Variants in LRP1B observed in about 807,000 individuals in gnomAD.
LRP1B encodes the protein low-density lipoprotein receptor-related protein 1B.
LRP1B carries 217 observed loss-of-function variants against 556.6 expected under a neutral mutation model. The observed-to-expected ratio is 0.39, with a 90% CI of 0.35 to 0.44. The LOEUF is 0.44. Among genes scored for constraint, LRP1B ranks in the 20% least tolerant of loss-of-function variants. The pLI is 1.00. For synonymous variants in LRP1B, 2,047 were observed against 1,865.8 expected, an observed-to-expected ratio of 1.10 and a Z score of -2.50; for missense variants, 5,053 against 5,620.8, an observed-to-expected ratio of 0.90 and a Z score of 3.23.
chr2:140,479,651 T>TC (rs1218369382), intron 59 of LRP1B, among the ~76,000 whole-genome samples: 8 of 152,178 alleles, frequency 5.3e-5, no homozygotes, highest in Non-Finnish European at 1.0e-4. Context: ...ATTTTTTCCT[T>TC]CCACCTGCAA....
chr2:141,157,147 G>A (rs1047114084), intron 7 of LRP1B, among the ~76,000 whole-genome samples: 12 of 152,056 alleles, frequency 7.9e-5, no homozygotes, highest in African/African-American at 2.9e-4. Context: ...GATATAAAAA[G>A]TATGTGTAAC....
intron 2 of LRP1B, among the ~76,000 whole-genome samples, chr2:141,666,711 C>T (rs528690398): frequency 2.8e-4 from 42 of 152,312 alleles, no homozygotes; most frequent in Non-Finnish European, 5.1e-4. Flanking sequence ...GGAGAGAGCT[C>T]TACTGCCCCT....
At chr2:141,344,492 TG>T (rs1468411250) in intron 3 of LRP1B, among the ~76,000 whole-genome samples, 2 of 152,202 alleles carry the variant, frequency 1.3e-5, no homozygotes, top group Non-Finnish European at 2.9e-5. Context: ...ATCACCTGGT[TG>T]GCTCTTCAAA....
Position 140,274,446 on chromosome 2 carries a change from C to T in LRP1B, c.13120G>A (p.Asp4374Asn). The change falls in exon 85 of 91, where the codon GAC becomes AAC. Residue 4374 changes from aspartate (D) to asparagine (N), a missense_variant. By Grantham distance (23) the Asp-to-Asn change is conservative. This residue lies in a region of LRP1B where 551 missense variants were observed against 592.0 expected (regional missense o/e 0.93). Transcript: ENST00000389484. Reference protein sequence around the residue: ...CHGGHCIINKDSEDIFCNCTN... With the variant: ...CHGGHCIINKNSEDIFCNCTN... ...TACTTGCAAAATATATCTTCACTGT[C>T]TTTATTTATAATGCAGTGCCCCCCA... 2 of 1,612,354 alleles carry T rather than the reference C, an allele frequency of 1.2e-6. No homozygotes were observed. Among genetic ancestry groups the T allele is most frequent in the African/African-American group, 2.7e-5 (2 of 74,918 alleles).
chr2:140,850,067 C>A, intron 29 of LRP1B, 35 bp downstream of exon 29: 2 of 1,298,308 alleles, frequency 1.5e-6, no homozygotes, highest in Non-Finnish European at 2.2e-6. Flanking sequence ...GAATAACAAA[C>A]ACTTTTAAAG....
intron 2 of LRP1B, among the ~76,000 whole-genome samples, chr2:141,765,594 C>G (rs1028754195): frequency 6.6e-6 from 1 of 152,054 alleles, no homozygotes; most frequent in Non-Finnish European, 1.5e-5. Flanking sequence ...ATAACACATC[C>G]CTGAAACTAA....
At chr2:140,785,318 G>T (rs1689856794) in intron 32 of LRP1B, among the ~76,000 whole-genome samples, 1 of 152,122 alleles carries the variant, frequency 6.6e-6, no homozygotes, top group African/African-American at 2.4e-5. Flanking sequence ...AACTGGAAAA[G>T]AGTATATGAT....
At chr2:141,842,454 T>C (rs1246951824) in intron 1 of LRP1B, among the ~76,000 whole-genome samples, 1 of 152,102 alleles carries the variant, frequency 6.6e-6, no homozygotes, top group Non-Finnish European at 1.5e-5. Flanking sequence ...AGTCATTTTA[T>C]GTCTCTTTCC....
chr2:141,404,398 T>C (rs1256956399), intron 3 of LRP1B, among the ~76,000 whole-genome samples: 2 of 152,088 alleles, frequency 1.3e-5, no homozygotes, highest in Non-Finnish European at 2.9e-5. Context: ...AATAACAATC[T>C]TAAAAAAGAA....
At chr2:140,983,078 A>G (rs1358131293) in intron 17 of LRP1B, among the ~76,000 whole-genome samples, 2 of 151,500 alleles carry the variant, frequency 1.3e-5, no homozygotes, top group African/African-American at 4.9e-5. Context: ...AATCAGGGCA[A>G]CTTTTAAAAA....
chr2:140,271,712 G>A (rs1682469583), intron 85 of LRP1B, among the ~76,000 whole-genome samples: 1 of 151,874 alleles, frequency 6.6e-6, no homozygotes, highest in Non-Finnish European at 1.5e-5. Flanking sequence ...ACAAGACATA[G>A]AGAAGGAGTG....
At chr2:140,324,899 T>A (rs1367819701) in intron 80 of LRP1B, among the ~76,000 whole-genome samples, 1 of 146,254 alleles carries the variant, frequency 6.8e-6, no homozygotes. Context: ...TCTGAGGCCA[T>A]TGATTAAAAA....
chr2:141,140,044 T>A (rs1701604604), intron 7 of LRP1B, among the ~76,000 whole-genome samples: 1 of 151,960 alleles, frequency 6.6e-6, no homozygotes, highest in Non-Finnish European at 1.5e-5. Flanking sequence ...AAATGCAACA[T>A]GATGAATCTC....
At chr2:141,392,687 A>C (rs1291551964) in intron 3 of LRP1B, among the ~76,000 whole-genome samples, 1 of 152,142 alleles carries the variant, frequency 6.6e-6, no homozygotes, top group Admixed American at 6.6e-5. Context: ...CTTTAATCTC[A>C]CTGGTATTTT....
chr2:141,806,391 T>A (rs1169445113), intron 2 of LRP1B, among the ~76,000 whole-genome samples: 1 of 152,092 alleles, frequency 6.6e-6, no homozygotes, highest in Non-Finnish European at 1.5e-5. Flanking sequence ...AAAACTGGTG[T>A]TAGTCTTTAT....
At chr2:140,509,080 ACAAACAC>A (rs1689541671) in intron 52 of LRP1B, among the ~76,000 whole-genome samples, 4 of 71,330 alleles carry the variant, frequency 5.6e-5, no homozygotes, top group Non-Finnish European at 8.8e-5. Flanking sequence ...ACACACACAC[ACAAACAC>A]ACACACACAC....
chr2:140,300,394 G>A (rs1316997841), intron 83 of LRP1B, among the ~76,000 whole-genome samples: 1 of 152,114 alleles, frequency 6.6e-6, no homozygotes, highest in African/African-American at 2.4e-5. Flanking sequence ...TAAGACGTTG[G>A]ATTGGATTCA....
chr2:142,002,875 C>T (rs1277631501), intron 1 of LRP1B, among the ~76,000 whole-genome samples: 2 of 152,170 alleles, frequency 1.3e-5, no homozygotes, highest in Non-Finnish European at 2.9e-5. Flanking sequence ...AATGCGATCT[C>T]TCTTTGAATT....
chr2:140,400,020 C>A (rs1488678929), intron 66 of LRP1B, among the ~76,000 whole-genome samples: 1 of 152,146 alleles, frequency 6.6e-6, no homozygotes, highest in Non-Finnish European at 1.5e-5. Context: ...AGAAGAACAA[C>A]AACATCTTGA....
Sources: gnomAD v4.1 joint callset for allele counts (sites outside exome capture counted in the v4.1 genomes callset) on GRCh38, gnomAD v4.1.1 for gene constraint, gnomAD v4.1.1 regional missense constraint, MANE v1.5 for transcripts, NCBI Gene and HGNC (gene_info 2026-07-23, HGNC 2026-07-21) for gene names.